Variants in TENM3 observed in about 807,000 individuals in gnomAD.
The protein encoded by TENM3 is teneurin-3.
In TENM3, 63 loss-of-function variants were observed where a neutral mutation model predicts 255.1. The observed-to-expected ratio is 0.25, with a 90% CI of 0.20 to 0.30. TENM3 has a LOEUF of 0.30. TENM3 is among the 10% of genes least tolerant of loss of function. TENM3 has a pLI of 1.00. For synonymous variants in TENM3, 1,306 were observed against 1,322.3 expected (o/e 0.99, Z 0.27); for missense variants, 2,929 against 3,461.1 (o/e 0.85, Z 3.86).
the TENM3 span, among the ~76,000 whole-genome samples, chr4:181,615,975 A>G: frequency 3.3e-5 from 5 of 152,138 alleles, no homozygotes; most frequent in Non-Finnish European, 7.4e-5. Context: ...TAATAGTCTC[A>G]TTTCCTACAT....
chr4:181,674,423 A>T, the TENM3 span, among the ~76,000 whole-genome samples: 1 of 152,200 alleles, frequency 6.6e-6, no homozygotes, highest in East Asian at 1.9e-4. Context: ...ATGAAAAAAA[A>T]AAAAACTCAT....
At chr4:181,573,212 C>A in the TENM3 span, among the ~76,000 whole-genome samples, 14 of 152,246 alleles carry the variant, frequency 9.2e-5, no homozygotes, top group South Asian at 2.5e-3. Context: ...CAGGAGGGCA[C>A]ATATCTCTTG....
At chr4:182,161,132 AGCG>A (rs371978264) in intron 1 of TENM3, among the ~76,000 whole-genome samples, 2,813 of 122,570 alleles carry the variant, frequency 0.023, 15 homozygotes, top group East Asian at 0.087. Flanking sequence ...TACAAAAATT[AGCG>A]GCCGGGCGCG....
At chr4:181,980,734 A>T in the TENM3 span, among the ~76,000 whole-genome samples, 1 of 152,218 alleles carries the variant, frequency 6.6e-6, no homozygotes, top group Admixed American at 6.5e-5. Context: ...AATAACTAGA[A>T]TACAAATGAA....
At chr4:182,096,987 A>G in the TENM3 span, among the ~76,000 whole-genome samples, 2 of 152,212 alleles carry the variant, frequency 1.3e-5, no homozygotes, top group Admixed American at 6.5e-5. Context: ...TCAGGGTGAT[A>G]AAGCTGTTTT....
chr4:182,224,769 C>T (rs1181450451), intron 1 of TENM3, among the ~76,000 whole-genome samples: 7 of 149,560 alleles, frequency 4.7e-5, no homozygotes, highest in Non-Finnish European at 5.9e-5. Flanking sequence ...TGGAGTCTCG[C>T]TCTATCACCC....
At chr4:182,253,287 C>A (rs1758152196) in intron 1 of TENM3, among the ~76,000 whole-genome samples, 1 of 152,148 alleles carries the variant, frequency 6.6e-6, no homozygotes, top group East Asian at 1.9e-4. Flanking sequence ...GCCTGGCCAA[C>A]ATGGTGAAAC....
chr4:182,306,934 A>G (rs1762169737), intron 1 of TENM3, among the ~76,000 whole-genome samples: 2 of 152,204 alleles, frequency 1.3e-5, no homozygotes, highest in African/African-American at 4.8e-5. Context: ...TCATAGCTGG[A>G]TCTTTCAGTT....
At chr4:182,584,596 A>G (rs981373522) in intron 3 of TENM3, among the ~76,000 whole-genome samples, 1 of 152,208 alleles carries the variant, frequency 6.6e-6, no homozygotes, top group African/African-American at 2.4e-5. Context: ...CTTTAAATAA[A>G]TGATATTAAT....
At chr4:181,605,577 AAAGAAAG>A in the TENM3 span, among the ~76,000 whole-genome samples, 14 of 29,256 alleles carry the variant, frequency 4.8e-4, 1 homozygote, top group East Asian at 2.4e-3. Flanking sequence ...AAAGAGAGAG[AAAGAAAG>A]GAAAGAAAGA....
intron 1 of TENM3, among the ~76,000 whole-genome samples, chr4:182,170,692 G>T (rs1246083883): frequency 1.3e-5 from 2 of 151,948 alleles, no homozygotes; most frequent in Admixed American, 6.6e-5. Context: ...CAAGCATTTT[G>T]ATCTTTTTCC....
intron 3 of TENM3, among the ~76,000 whole-genome samples, chr4:182,386,451 A>T (rs898451904): frequency 6.6e-6 from 1 of 152,216 alleles, no homozygotes; most frequent in Non-Finnish European, 1.5e-5. Flanking sequence ...CTGGGTTCCC[A>T]CTTTGGCGGC....
intron 1 of TENM3, among the ~76,000 whole-genome samples, chr4:182,191,113 A>T (rs569105907): frequency 3.9e-5 from 6 of 152,116 alleles, no homozygotes; most frequent in Non-Finnish European, 7.4e-5. Context: ...TCATTTTGTG[A>T]TTAGAGTATT....
rs747726613 is a variant in TENM3, at chr4:182,792,590, C to T, written c.5918C>T (p.Thr1973Ile). 1.2e-6 allele frequency: 2 copies of T among 1,613,974 alleles called. No individual in the cohort carries two copies. Among genetic ancestry groups the T allele is most frequent in the Non-Finnish European group, 1.7e-6 (2 of 1,179,872 alleles). Reference sequence around the variant, plus strand: ...AGAGTCAGTTTTACCTATGATGAAACAGCAGGAGTCCTAAAGACAGTAAAC... The same window carrying T: ...AGAGTCAGTTTTACCTATGATGAAATAGCAGGAGTCCTAAAGACAGTAAAC... Reference protein sequence around the residue: ...STRVSFTYDETAGVLKTVNLQ... With the variant: ...STRVSFTYDEIAGVLKTVNLQ... Residue 1973 changes from threonine to isoleucine, a missense_variant, in exon 26 of 28, where the codon ACA (threonine) becomes ATA (isoleucine). Thr to Ile is a moderately conservative substitution (Grantham distance 89, BLOSUM62 -1). Coordinates refer to ENST00000511685, the MANE Select transcript of TENM3 (RefSeq NM_001080477.4). This position sits in a 1 kb window ranked among gnomAD's most constrained non-coding sequence, Gnocchi z 6.3.
the TENM3 span, among the ~76,000 whole-genome samples, chr4:181,727,515 G>GA: frequency 6.6e-6 from 1 of 152,078 alleles, no homozygotes; most frequent in Non-Finnish European, 1.5e-5. Context: ...CACAGCTTGA[G>GA]AAAAAATAAT....
chr4:182,670,905 CAT>C (rs1456884118), intron 6 of TENM3, among the ~76,000 whole-genome samples: 6 of 152,170 alleles, frequency 3.9e-5, no homozygotes, highest in Non-Finnish European at 8.8e-5. Flanking sequence ...GTTTGAAAAA[CAT>C]ACCATAAATG....
chr4:181,799,044 G>A, the TENM3 span, among the ~76,000 whole-genome samples: 1 of 152,098 alleles, frequency 6.6e-6, no homozygotes, highest in African/African-American at 2.4e-5. Flanking sequence ...GTTCTCTATG[G>A]AAAAATAATG....
chr4:181,728,435 G>A, the TENM3 span, among the ~76,000 whole-genome samples: 1 of 152,204 alleles, frequency 6.6e-6, no homozygotes, highest in African/African-American at 2.4e-5. Context: ...GCTAAACAAG[G>A]AGTGAATTAT....
chr4:181,948,801 T>C, the TENM3 span, among the ~76,000 whole-genome samples: 1 of 152,138 alleles, frequency 6.6e-6, no homozygotes, highest in Non-Finnish European at 1.5e-5. Flanking sequence ...TTCACCCCAG[T>C]GCAAAGGAAA....
Sources: gnomAD v4.1 joint callset for allele counts (sites outside exome capture counted in the v4.1 genomes callset) on GRCh38, gnomAD v4.1.1 for gene constraint, Gnocchi (gnomAD v3.1) non-coding constraint, MANE v1.5 for transcripts, NCBI Gene and HGNC (gene_info 2026-07-23, HGNC 2026-07-21) for gene names.